The following GRIK2 variants were observed in gnomAD, a reference collection of about 807,000 sequenced individuals.
The protein encoded by GRIK2 is glutamate ionotropic receptor kainate type subunit 2, also known as glutamate receptor ionotropic, kainate 2.
In GRIK2, 32 loss-of-function variants were observed where a neutral mutation model predicts 100.3. That is an observed-to-expected ratio of 0.32 (90% CI 0.24 to 0.43). GRIK2 has a LOEUF of 0.43. Ranked by LOEUF, GRIK2 falls within the 20% of genes least tolerant of loss-of-function variation. The pLI is 1.00. For missense variants in GRIK2, 843 were observed against 1,114.9 expected (o/e 0.76, Z 3.47); for synonymous variants, 417 against 389.4 (o/e 1.07, Z -0.83).
chr6:102,035,559 T>A lies in GRIK2; in HGVS notation c.2304T>A (p.Thr768=). ...ACTCTAAAGGTTATGGCGTTGGCACTCCCATGGGTAGGTTATATGTCAGCT... is the reference window on the plus strand; with the variant it reads ...ACTCTAAAGGTTATGGCGTTGGCACACCCATGGGTAGGTTATATGTCAGCT... ...LIDSKGYGVG[T]PMGSPYRDKI... is the part of the protein sequence containing the mutation. The change falls in exon 15 of 17, where the codon ACT becomes ACA. Residue 768 remains threonine, a synonymous_variant. Transcript: ENST00000369134. 1 of 1,568,394 alleles carries A rather than the reference T, an allele frequency of 6.4e-7. No homozygotes were observed. The highest frequency in any genetic ancestry group is 1.1e-5 in the South Asian group (1 of 89,846).
chr6:101,786,529 T>A (rs900682279), intron 7 of GRIK2, among the ~76,000 whole-genome samples: 2 of 152,148 alleles, frequency 1.3e-5, no homozygotes, highest in Non-Finnish European at 2.9e-5. Context: ...ATCAAATGTT[T>A]TTCTGTGTCT....
chr6:101,525,401 G>A (rs961755374), intron 2 of GRIK2, among the ~76,000 whole-genome samples: 1 of 152,134 alleles, frequency 6.6e-6, no homozygotes, highest in Non-Finnish European at 1.5e-5. Flanking sequence ...GTATTCTGAT[G>A]ATTATGGTGG....
intron 11 of GRIK2, among the ~76,000 whole-genome samples, chr6:101,866,156 C>G (rs1055384084): frequency 5.9e-5 from 9 of 152,056 alleles, no homozygotes; most frequent in African/African-American, 2.2e-4. Flanking sequence ...GAAGTGCCTT[C>G]CTCACCATAA....
At position 101,894,191 on chromosome 6, in the gene GRIK2, C is replaced by T. The variant is rs139233907; in HGVS notation, c.1748+4328C>T. 4.6e-4 allele frequency among the ~76,000 whole-genome samples: 69 copies of T among 151,466 alleles called. 2 individuals carry two copies. The highest frequency in any genetic ancestry group is 1.5e-3 in the African/African-American group (64 of 41,448). The stretch of plus-strand genomic sequence containing the variant: ...TTAAAAGTAGATTATTTTGTCAATG[C>T]CTTTTAAAAATTTCCCCTCACATGT... On this transcript the variant is annotated intron_variant, in intron 12 of 16. Transcript: ENST00000369134.
At chr6:101,726,608 A>G (rs1583029580) in intron 7 of GRIK2, among the ~76,000 whole-genome samples, 1 of 151,978 alleles carries the variant, frequency 6.6e-6, no homozygotes, top group African/African-American at 2.4e-5. Context: ...TAGAACATAC[A>G]TCCAAAGTAA....
At chr6:101,749,472 C>T (rs1222317754) in intron 7 of GRIK2, among the ~76,000 whole-genome samples, 1 of 152,028 alleles carries the variant, frequency 6.6e-6, no homozygotes, top group Non-Finnish European at 1.5e-5. Context: ...ATAAATTGTC[C>T]ACAGCCATTA....
At chr6:101,924,201 T>C (rs1222733135) in intron 12 of GRIK2, among the ~76,000 whole-genome samples, 1 of 152,168 alleles carries the variant, frequency 6.6e-6, no homozygotes, top group Non-Finnish European at 1.5e-5. Context: ...TTTTATATTT[T>C]TTTCTGTCTT....
intron 14 of GRIK2, among the ~76,000 whole-genome samples, chr6:101,992,012 T>C (rs778074945): frequency 2.6e-5 from 4 of 151,576 alleles, no homozygotes; most frequent in Non-Finnish European, 4.4e-5. Context: ...GGAAAAATGG[T>C]AGAAGTTTTC....
intron 2 of GRIK2, among the ~76,000 whole-genome samples, chr6:101,579,620 A>G (rs932202366): frequency 1.3e-5 from 2 of 152,098 alleles, no homozygotes; most frequent in Non-Finnish European, 2.9e-5. Context: ...TGGGAGGCCA[A>G]GGCGGGTGGA....
chr6:101,578,214 CTAATA>C (rs1234593099), intron 2 of GRIK2, among the ~76,000 whole-genome samples: 1 of 152,042 alleles, frequency 6.6e-6, no homozygotes, highest in Non-Finnish European at 1.5e-5. Context: ...CTTTTCCTGG[CTAATA>C]TAAAAGTGTG....
At chr6:101,868,527 A>G (rs1398117607) in intron 11 of GRIK2, among the ~76,000 whole-genome samples, 1 of 151,746 alleles carries the variant, frequency 6.6e-6, no homozygotes, top group Non-Finnish European at 1.5e-5. Context: ...TGCATCTATT[A>G]CTACCATAAC....
At chr6:102,018,635 T>G (rs919439722) in intron 14 of GRIK2, among the ~76,000 whole-genome samples, 12 of 152,106 alleles carry the variant, frequency 7.9e-5, no homozygotes, top group African/African-American at 2.9e-4. Flanking sequence ...GCTTCAGTAA[T>G]TTGTGGTTCT....
chr6:101,426,325 A>G (rs1394961219), intron 2 of GRIK2, among the ~76,000 whole-genome samples: 1 of 152,192 alleles, frequency 6.6e-6, no homozygotes, highest in Non-Finnish European at 1.5e-5. Flanking sequence ...CAACATGGTT[A>G]TGGGGAAGAT....
At chr6:102,022,028 A>C in intron 14 of GRIK2, among the ~76,000 whole-genome samples, 1 of 150,092 alleles carries the variant, frequency 6.7e-6, no homozygotes, top group East Asian at 1.9e-4. Flanking sequence ...ATATTAATAT[A>C]AATAATTTAT....
At chr6:101,897,077 TA>T (rs1176163529) in intron 12 of GRIK2, among the ~76,000 whole-genome samples, 8 of 150,990 alleles carry the variant, frequency 5.3e-5, no homozygotes, top group Non-Finnish European at 1.2e-4. Context: ...AGCACACGTA[TA>T]AAAAATTTTT....
chr6:101,451,897 G>A (rs1770713984), intron 2 of GRIK2, among the ~76,000 whole-genome samples: 1 of 151,602 alleles, frequency 6.6e-6, no homozygotes, highest in African/African-American at 2.4e-5. Flanking sequence ...GATATCCAAC[G>A]TTAAGGTATA....
At chr6:102,026,734 C>A (rs989215690) in intron 14 of GRIK2, among the ~76,000 whole-genome samples, 6 of 151,190 alleles carry the variant, frequency 4.0e-5, no homozygotes, top group African/African-American at 1.5e-4. Flanking sequence ...AAGAGCAATT[C>A]TCTCTGTTTC....
intron 7 of GRIK2, among the ~76,000 whole-genome samples, chr6:101,687,043 G>GTTTAA (rs1446783074): frequency 3.9e-5 from 6 of 152,098 alleles, no homozygotes; most frequent in South Asian, 2.1e-4. Flanking sequence ...ATCAGTGTTT[G>GTTTAA]TTTAAGCTAC....
rs775951030 is a variant in GRIK2, at chr6:102,069,936, T to C, written c.*1425T>C. ...CCTGGTTTCCACGAGGCTGACAACA[T>C]ACTGTAATGAACAATTGTGTGTAAA... On this transcript the variant is annotated 3_prime_UTR_variant, in exon 17 of 17. Transcript: ENST00000369134. 7.9e-5 allele frequency: 12 copies of C among 152,030 alleles called. No homozygotes were observed. The highest frequency in any genetic ancestry group is 1.5e-4 in the Non-Finnish European group (10 of 67,976). The allele number at this position is 152,030 out of a possible 1,614,324, so 9.4% of individuals were successfully genotyped here.
Sources: allele counts gnomAD v4.1 joint callset (sites outside exome capture counted in the v4.1 genomes callset), GRCh38; gene constraint gnomAD v4.1.1; transcripts MANE v1.5; gene names NCBI Gene and HGNC (gene_info 2026-07-23, HGNC 2026-07-21).